POM121C: variants seen among roughly 807,000 people sequenced by gnomAD.
POM121C encodes the protein POM121 transmembrane nucleoporin C.
In POM121C, 20 loss-of-function variants were observed where a neutral mutation model predicts 66.4. The ratio of observed to expected loss-of-function variants is 0.30; its 90% confidence interval spans 0.21 to 0.44. The LOEUF (loss-of-function observed/expected upper bound fraction) is 0.44, where lower values mean the gene tolerates loss of function less well. POM121C is among the 20% of genes least tolerant of loss of function. The probability of loss-of-function intolerance (pLI) is 1.00; values close to 1 mark genes in which losing one functional copy is unlikely to be tolerated. For missense variants in POM121C, 580 were observed against 1,225.7 expected (o/e 0.47, Z 7.87); for synonymous variants, 286 against 528.0 (o/e 0.54, Z 6.28).
chr7:75,453,468 G>C (rs1439082135), intron 3 of POM121C, among the ~76,000 whole-genome samples: 3 of 151,350 alleles, frequency 2.0e-5, no homozygotes, highest in African/African-American at 7.3e-5. Flanking sequence ...TGTAATCTCA[G>C]CTGCTTGGGA....
At chr7:75,435,683 G>C (rs1203659330) in intron 7 of POM121C, among the ~76,000 whole-genome samples, 2 of 152,166 alleles carry the variant, frequency 1.3e-5, no homozygotes, top group Non-Finnish European at 2.9e-5. Flanking sequence ...AAGACCAAAT[G>C]AATCACAATT....
chr7:75,429,089 AT>A lies in POM121C; in HGVS notation c.481-2637del, dbSNP rs1790070410. On this transcript the variant is annotated intron_variant, in intron 7 of 14. Transcript: ENST00000615331. ...GACTGTACGTACACACTCATTTCAG[AT>A]ATAACAAGACAAGGATGTTTATTAT... is the stretch of plus-strand genomic sequence containing the variant. Among the ~76,000 whole-genome samples the A allele has an allele frequency of 2.0e-5, 3 of 152,234 alleles. No homozygotes were observed. In the South Asian group the frequency reaches 6.2e-4, roughly 31 times the overall value.
rs1791047594 is a variant in POM121C at position 75,452,301 on chromosome 7, T to C, written c.-151-10654A>G. ...GGGGAAATCCCATCTCTACTAAAAATACAAAAAATTTAGCTGGGTGTAGTG... is the reference window on the plus strand; with the variant it reads ...GGGGAAATCCCATCTCTACTAAAAACACAAAAAATTTAGCTGGGTGTAGTG... On this transcript the variant is annotated intron_variant, in intron 3 of 14. Transcript: ENST00000615331. 2.0e-5 allele frequency among the ~76,000 whole-genome samples: 3 copies of C among 150,810 alleles called. No homozygotes were observed. The South Asian group carries it at 6.3e-4, about 32-fold the overall frequency.
chr7:75,473,856 T>C (rs1276397105), intron 3 of POM121C, among the ~76,000 whole-genome samples: 1 of 151,886 alleles, frequency 6.6e-6, no homozygotes, highest in Non-Finnish European at 1.5e-5. Context: ...GTCCGGCTAA[T>C]TTTTTGTATT....
At chr7:75,421,149 T>C (rs1490958615) in intron 13 of POM121C, 6 of 378,760 alleles carry the variant, frequency 1.6e-5, no homozygotes, top group Non-Finnish European at 2.3e-5. Context: ...AATTTTTTGG[T>C]ATTTTTAGTA....
Position 75,416,841 on chromosome 7 carries a change from A to G in POM121C, c.*1955T>C. 6.9e-7 allele frequency: 1 copy of G among 1,450,822 alleles called. No homozygotes were observed. 89.9% of individuals were successfully genotyped at this position (1,450,822 alleles called of 1,614,324 possible). ...GTCACAAGCAGGAGAAAAATCTCAC[A>G]TTCATACTAAAAATTCCAACTAGAC... On this transcript the variant is annotated 3_prime_UTR_variant, in exon 15 of 15. Transcript: ENST00000615331.
rs1423643142 is a variant in POM121C at position 75,431,900 on chromosome 7, G to A, written c.481-5447C>T. On this transcript the variant is annotated intron_variant, in intron 7 of 14. Transcript: ENST00000615331. ...CCAGGAGGCAGAGGTTGCAGTGAGT[G>A]CCAATACGGTGCCACTGCACTGTAG... 2.6e-5 allele frequency among the ~76,000 whole-genome samples: 4 copies of A among 152,018 alleles called. No homozygotes were observed. The East Asian group carries it at 7.7e-4, about 29-fold the overall frequency.
At chr7:75,448,787 T>A (rs1554475214) in intron 3 of POM121C, among the ~76,000 whole-genome samples, 1 of 147,088 alleles carries the variant, frequency 6.8e-6, no homozygotes, top group African/African-American at 2.5e-5. Context: ...GCAACAAGAG[T>A]GAAACTCTGT....
intron 3 of POM121C, chr7:75,442,696 A>G (rs1479045037): frequency 5.0e-6 from 7 of 1,394,106 alleles, no homozygotes; most frequent in South Asian, 1.6e-5. Flanking sequence ...CGCCTGCTCC[A>G]GCCGCCGCAG....
At position 75,476,845 on chromosome 7, in the gene POM121C, A is replaced by G. The variant is rs367727017; in HGVS notation, c.-457-1657T>C. On this transcript the variant is annotated intron_variant, in intron 1 of 14. Coordinates refer to ENST00000615331, the MANE Select transcript of POM121C (RefSeq NM_001099415.3). ...TATTCCAACAATATAGACTAGTTTA[A>G]TATTTGGAAATCTATTAATATGATA... 1.9e-4 allele frequency among the ~76,000 whole-genome samples: 29 copies of G among 152,284 alleles called. No homozygotes were observed. In the East Asian group the frequency reaches 3.3e-3, roughly 17 times the overall value.
intron 7 of POM121C, among the ~76,000 whole-genome samples, chr7:75,426,927 G>T (rs1242801512): frequency 6.7e-6 from 1 of 149,070 alleles, no homozygotes; most frequent in African/African-American, 2.5e-5. Context: ...GTCTATAAAA[G>T]TAATGGAATG....
intron 1 of POM121C, among the ~76,000 whole-genome samples, chr7:75,482,615 G>A (rs141095911): frequency 6.6e-6 from 1 of 152,082 alleles, no homozygotes; most frequent in Non-Finnish European, 1.5e-5. Context: ...GTGTGGGCCC[G>A]GGAGATTGAG....
intron 7 of POM121C, among the ~76,000 whole-genome samples, chr7:75,430,278 G>A (rs2116362959): frequency 6.6e-6 from 1 of 152,238 alleles, no homozygotes; most frequent in Non-Finnish European, 1.5e-5. Context: ...TATAAGGGTA[G>A]GGGTAAAACA....
chr7:75,482,886 C>A (rs1554480334), intron 1 of POM121C, among the ~76,000 whole-genome samples: 1 of 152,104 alleles, frequency 6.6e-6, no homozygotes, highest in African/African-American at 2.4e-5. Context: ...GATTTGACTG[C>A]AATTAAATCA....
At chr7:75,439,626 T>C (rs1790554858) in intron 5 of POM121C, among the ~76,000 whole-genome samples, 1 of 152,138 alleles carries the variant, frequency 6.6e-6, no homozygotes, top group African/African-American at 2.4e-5. Flanking sequence ...GTTCCAGCGA[T>C]CCTCCCACCT....
intron 3 of POM121C, among the ~76,000 whole-genome samples, chr7:75,460,210 G>C (rs373731088): frequency 6.7e-5 from 9 of 134,112 alleles, no homozygotes; most frequent in African/African-American, 3.1e-4. Flanking sequence ...AATGACTCAT[G>C]GCCAAGTGTG....
At chr7:75,458,548 A>C (rs199779698) in intron 3 of POM121C, among the ~76,000 whole-genome samples, 4,088 of 148,174 alleles carry the variant, frequency 0.028, no homozygotes, top group African/African-American at 0.084. Context: ...CAAAAACAAA[A>C]ACAAATTGGC....
chr7:75,483,627 A>T (rs1230578921), intron 1 of POM121C, among the ~76,000 whole-genome samples: 1 of 152,202 alleles, frequency 6.6e-6, no homozygotes, highest in Non-Finnish European at 1.5e-5. Context: ...ATGGACTAAT[A>T]CAGATGGCAT....
Position 75,486,279 on chromosome 7 carries a change from G to C in POM121C, c.-873C>G. 3.8e-6 allele frequency: 1 copy of C among 262,832 alleles called. No individual in the cohort carries two copies. The highest frequency in any genetic ancestry group is 7.5e-6 in the Non-Finnish European group (1 of 134,100). The allele number at this position is 262,832 out of a possible 1,614,324, so 16.3% of individuals were successfully genotyped here. A position where few individuals can be genotyped will look rare whatever the true frequency, so the allele number is the denominator to read the frequency against. ...ACGAGAGCAAGCGATGACCTGAAGA[G>C]GCACAGGAAGCGAGGGCAGTGCGGA... On this transcript the variant is annotated 5_prime_UTR_variant, in exon 1 of 15. Transcript: ENST00000615331.
Sources: gnomAD v4.1 joint callset for allele counts (sites outside exome capture counted in the v4.1 genomes callset) on GRCh38, gnomAD v4.1.1 for gene constraint, MANE v1.5 for transcripts, NCBI Gene and HGNC (gene_info 2026-07-23, HGNC 2026-07-21) for gene names.